The following DNAH8 variants were observed in gnomAD, a reference collection of about 807,000 sequenced individuals.
DNAH8 encodes dynein axonemal heavy chain 8, also known as axonemal beta dynein heavy chain 8.
A neutral mutation model predicts 562.1 loss-of-function variants in DNAH8; 382 were observed. The observed-to-expected ratio is 0.68, with a 90% confidence interval of 0.63 to 0.74. DNAH8 has a LOEUF of 0.74. DNAH8 is among the 30% of genes least tolerant of loss of function. DNAH8 has a pLI of 0.00. For missense variants in DNAH8, 5,203 were observed against 5,620.4 expected (o/e 0.93, Z 2.37); for synonymous variants, 1,881 against 1,919.4 (o/e 0.98, Z 0.52).
intron 9 of DNAH8, among the ~76,000 whole-genome samples, chr6:38,751,665 T>C (rs13209417): frequency 0.12 from 18,084 of 152,258 alleles, 1,120 homozygotes; most frequent in South Asian, 0.17. Context: ...CACTACCATT[T>C]GCTTTTATTT....
At position 38,899,898 on chromosome 6, in the gene DNAH8, A is replaced by G; in HGVS notation, c.9186A>G (p.Thr3062=). 1.9e-6 allele frequency: 3 copies of G among 1,593,926 alleles called. No homozygotes were observed. The highest frequency in any genetic ancestry group is 2.3e-5 in the South Asian group (2 of 86,836). The change falls in exon 62 of 93, where the codon ACA becomes ACG. Residue 3062 remains threonine (T), a synonymous_variant. Transcript: ENST00000327475. Reference sequence around the variant, plus strand: ...CTGGCTATCAAATATTCCAGATAACATTAACCAGGTAGGATGAAATAAAAC... The same window carrying G: ...CTGGCTATCAAATATTCCAGATAACGTTAACCAGGTAGGATGAAATAAAAC... ...FIAGYQIFQI[T]LTRSYNVTNL...
intron 85 of DNAH8, among the ~76,000 whole-genome samples, chr6:38,981,172 T>A (rs572772144): frequency 6.6e-6 from 1 of 152,070 alleles, no homozygotes; most frequent in South Asian, 2.1e-4. Context: ...TCCACATGAG[T>A]CCTCACCTTA....
At chr6:38,797,419 A>G (rs1237557054) in intron 21 of DNAH8, among the ~76,000 whole-genome samples, 1 of 152,186 alleles carries the variant, frequency 6.6e-6, no homozygotes, top group Non-Finnish European at 1.5e-5. Flanking sequence ...AAATATTCCT[A>G]ACACCAGGGT....
rs143645253 is a variant in DNAH8, at chr6:38,853,066, G to A, written c.5572-120G>A. 1.3e-5 allele frequency: 10 copies of A among 779,402 alleles called. No homozygotes were observed. In the African/African-American group the frequency reaches 1.6e-4, roughly 12 times the overall value. The allele number at this position is 779,402 out of a possible 1,614,324, so 48.3% of individuals were successfully genotyped here. On this transcript the variant is annotated intron_variant, in intron 40 of 92. Transcript: ENST00000327475. ...ATTTTACCCATATTTAAAATATTTT[G>A]TATAAAATATGAAACTGTTTGCTTG...
intron 24 of DNAH8, among the ~76,000 whole-genome samples, chr6:38,812,892 T>C (rs1005487770): frequency 1.3e-5 from 2 of 152,184 alleles, no homozygotes; most frequent in African/African-American, 4.8e-5. Context: ...GGTTTCCTTA[T>C]CTACAATATG....
chr6:38,826,255 T>C lies in DNAH8; in HGVS notation c.3947T>C (p.Ile1316Thr), dbSNP rs757754264. The C allele has an allele frequency of 1.2e-6, 2 of 1,613,294 alleles. No individual in the cohort carries two copies. Among genetic ancestry groups the C allele is most frequent in the African/African-American group, 1.3e-5 (1 of 74,898 alleles). The change falls in exon 29 of 93, where the codon ATA (isoleucine) becomes ACA (threonine). Residue 1316 changes from isoleucine to threonine, a missense_variant. Ile to Thr is a moderately conservative substitution (Grantham distance 89). Around this residue, in one of 6 missense-constraint regions of DNAH8, gnomAD observed 2,176 missense variants for 2,365.1 expected, o/e 0.92. Coordinates refer to ENST00000327475, the MANE Select transcript of DNAH8 (RefSeq NM_001206927.2). ...TACAAAAAGAAAATGTCATACATGATAGCATTTATTAATGAATACTTGAAA... is the reference window on the plus strand; with the variant it reads ...TACAAAAAGAAAATGTCATACATGACAGCATTTATTAATGAATACTTGAAA... ...EEYKKKMSYM[I>T]AFINEYLKKL...
chr6:38,778,953 A>G (rs1201905109), intron 14 of DNAH8, among the ~76,000 whole-genome samples: 2 of 152,222 alleles, frequency 1.3e-5, no homozygotes, highest in Non-Finnish European at 2.9e-5. Context: ...GGTTGCTACA[A>G]CCAAGCCAGA....
chr6:38,767,357 A>G (rs1210441336), intron 11 of DNAH8, among the ~76,000 whole-genome samples: 1 of 152,008 alleles, frequency 6.6e-6, no homozygotes, highest in African/African-American at 2.4e-5. Context: ...GAATCACTTG[A>G]ACCTGGGAGG....
rs773062288 is a variant in DNAH8, at chr6:39,012,613, A to G, written c.13690A>G (p.Met4564Val). ...TGAAGGGAGGCCTAATGTGTTTTGGATGACTGGTTTCTTTAATCCCCAAGG... is the reference window on the plus strand; with the variant it reads ...TGAAGGGAGGCCTAATGTGTTTTGGGTGACTGGTTTCTTTAATCCCCAAGG... Reference protein sequence around the residue: ...IFEGRPNVFWMTGFFNPQGFL... With the variant: ...IFEGRPNVFWVTGFFNPQGFL... Residue 4564 changes from methionine (M) to valine (V), a missense_variant, in exon 91 of 93, where the codon ATG (methionine) becomes GTG (valine). Met to Val is a conservative substitution (Grantham distance 21). Around this residue, in one of 6 missense-constraint regions of DNAH8, gnomAD observed 1,399 missense variants for 1,518.4 expected, o/e 0.92. Transcript: ENST00000327475. The G allele has an allele frequency of 6.2e-7, 1 of 1,613,950 alleles. No individual in the cohort carries two copies. The highest frequency in any genetic ancestry group is 1.1e-5 in the South Asian group (1 of 91,068).
chr6:38,971,454 C>T (rs1360723165), intron 82 of DNAH8, 138 bp from the exon 83 acceptor site: 4 of 502,702 alleles, frequency 8.0e-6, no homozygotes, highest in East Asian at 6.6e-5. Flanking sequence ...AAAGGCCAGG[C>T]CTGTTTGAAC....
chr6:38,863,843 ACTTT>A, intron 44 of DNAH8, 26 bp from the exon 45 acceptor site: 2 of 1,560,394 alleles, frequency 1.3e-6, no homozygotes, highest in Non-Finnish European at 1.7e-6. Context: ...ATAGAGTAAA[ACTTT>A]ACAAATTAAC....
intron 88 of DNAH8, among the ~76,000 whole-genome samples, chr6:39,001,663 A>T (rs1396340385): frequency 6.6e-6 from 1 of 152,168 alleles, no homozygotes; most frequent in Non-Finnish European, 1.5e-5. Context: ...CAGAAGCTGG[A>T]GATAGAAAAA....
At chr6:38,793,472 A>G (rs1769944519) in intron 21 of DNAH8, among the ~76,000 whole-genome samples, 1 of 151,818 alleles carries the variant, frequency 6.6e-6, no homozygotes, top group Non-Finnish European at 1.5e-5. Flanking sequence ...TCAGGTTACT[A>G]TTTTTCAGAT....
At chr6:39,009,071 A>C in intron 89 of DNAH8, 101 bp downstream of exon 89, 1 of 810,932 alleles carries the variant, frequency 1.2e-6, no homozygotes. Context: ...GTTGGTGACT[A>C]TGTGGCAGAT....
intron 85 of DNAH8, among the ~76,000 whole-genome samples, chr6:38,979,970 A>G (rs1328262586): frequency 6.6e-6 from 1 of 152,216 alleles, no homozygotes; most frequent in Non-Finnish European, 1.5e-5. Context: ...AGTCCTCAAG[A>G]TGGAAGAAAT....
intron 87 of DNAH8, among the ~76,000 whole-genome samples, chr6:38,987,962 T>G (rs1015033117): frequency 6.6e-6 from 1 of 152,158 alleles, no homozygotes; most frequent in African/African-American, 2.4e-5. Flanking sequence ...CACCCTGCCT[T>G]CACCTGTTTG....
intron 29 of DNAH8, among the ~76,000 whole-genome samples, chr6:38,827,222 G>T (rs1738206): frequency 6.6e-6 from 1 of 151,926 alleles, no homozygotes; most frequent in African/African-American, 2.4e-5. Flanking sequence ...CATCAGGCCC[G>T]CCTGTTAATC....
At chr6:38,750,979 A>G (rs1765399048) in intron 9 of DNAH8, among the ~76,000 whole-genome samples, 2 of 152,224 alleles carry the variant, frequency 1.3e-5, no homozygotes, top group African/African-American at 4.8e-5. Flanking sequence ...TATGTGCAAG[A>G]CAAATATTAA....
At chr6:38,956,177 C>CCT (rs1762229534) in intron 82 of DNAH8, among the ~76,000 whole-genome samples, 1 of 152,228 alleles carries the variant, frequency 6.6e-6, no homozygotes, top group East Asian at 1.9e-4. Context: ...TTGCTCATAT[C>CCT]TAGCAGACTG....
Sources: allele counts gnomAD v4.1 joint callset (sites outside exome capture counted in the v4.1 genomes callset), GRCh38; gene constraint gnomAD v4.1.1; regional missense constraint gnomAD v4.1.1; transcripts MANE v1.5; gene names NCBI Gene and HGNC (gene_info 2026-07-23, HGNC 2026-07-21).